HOPX: variants seen among roughly 807,000 people sequenced by gnomAD.
HOPX encodes HOP homeobox.
HOPX carries 5 observed loss-of-function variants against 11.8 expected under a neutral mutation model. That is an observed-to-expected ratio of 0.43 (90% CI 0.22 to 0.89). The LOEUF (loss-of-function observed/expected upper bound fraction) is 0.89. Ranked by LOEUF, HOPX falls within the 40% of genes least tolerant of loss-of-function variation. HOPX has a pLI of 0.28. For missense variants in HOPX, 119 were observed against 120.0 expected (o/e 0.99, Z 0.04); for synonymous variants, 49 against 49.7 (o/e 0.99, Z 0.06).
rs554784514 is a variant in HOPX, at chr4:56,678,138, C to T, written c.-84+3117G>A. Among the ~76,000 whole-genome samples the T allele has an allele frequency of 3.8e-4, 57 of 151,642 alleles. 4 individuals are homozygous for T. The highest frequency in any genetic ancestry group is 1.3e-3 in the African/African-American group (53 of 40,958). On this transcript the variant is annotated intron_variant, in intron 1 of 3. Transcript: ENST00000420433. ...TGGAAGGTGCTGGATACCCTATCCTCGCTGGAGCTGGGAGTGTCCAGAAGC... is the reference window on the plus strand; with the variant it reads ...TGGAAGGTGCTGGATACCCTATCCTTGCTGGAGCTGGGAGTGTCCAGAAGC...
chr4:56,649,477 G>A (rs1716942567), intron 3 of HOPX: 1 of 152,384 alleles, frequency 6.6e-6, no homozygotes, highest in South Asian at 2.1e-4. Flanking sequence ...ACTGAGCGCT[G>A]CACAACCTCA....
intron 1 of HOPX, among the ~76,000 whole-genome samples, chr4:56,661,085 T>G (rs913522891): frequency 6.6e-6 from 1 of 152,190 alleles, no homozygotes; most frequent in African/African-American, 2.4e-5. Context: ...CAGCTGGGAT[T>G]ACAGGTATGA....
At chr4:56,678,205 T>A (rs1204385736) in intron 1 of HOPX, among the ~76,000 whole-genome samples, 1 of 151,438 alleles carries the variant, frequency 6.6e-6, no homozygotes, top group Non-Finnish European at 1.5e-5. Context: ...CTGTGTTCCC[T>A]GAGCCTCCCA....
At chr4:56,654,695 T>C (rs1020600662) in intron 3 of HOPX, among the ~76,000 whole-genome samples, 14 of 152,328 alleles carry the variant, frequency 9.2e-5, no homozygotes, top group African/African-American at 2.6e-4. Flanking sequence ...CTGGCTTAAT[T>C]AGTAAAAATA....
rs1716837088 is a variant in HOPX at position 56,648,205 on chromosome 4, T to C, written c.*515A>G. The C allele has an allele frequency of 6.6e-6, 1 of 152,258 alleles. No individual in the cohort carries two copies. Among genetic ancestry groups the C allele is most frequent in the African/African-American group, 2.4e-5 (1 of 41,442 alleles). The allele number at this position is 152,258 out of a possible 1,614,324, so 9.4% of individuals were successfully genotyped here. A position where few individuals can be genotyped will look rare whatever the true frequency, so the allele number is the denominator to read the frequency against. ...GCTTCTTTCCAAGTTAATGCAGCTA[T>C]ATTCCAAGGAAGTGTTTTATGAAAT... On this transcript the variant is annotated 3_prime_UTR_variant, in exon 4 of 4. Coordinates refer to ENST00000420433, the MANE Select transcript of HOPX (RefSeq NM_032495.6).
intron 3 of HOPX, among the ~76,000 whole-genome samples, 183 bp downstream of exon 3, chr4:56,655,674 G>A (rs571998843): frequency 2.4e-4 from 36 of 152,330 alleles, no homozygotes; most frequent in Admixed American, 3.9e-4. Flanking sequence ...CATGGGAGCG[G>A]GGAAGCGGGG....
chr4:56,665,337 T>G (rs1718371508), intron 1 of HOPX: 2 of 152,234 alleles, frequency 1.3e-5, no homozygotes, highest in African/African-American at 4.8e-5. Flanking sequence ...ATGTGTCATT[T>G]CTCATACATT....
chr4:56,674,893 G>A (rs1388798460), intron 1 of HOPX, among the ~76,000 whole-genome samples: 1 of 142,764 alleles, frequency 7.0e-6, no homozygotes, highest in East Asian at 2.0e-4. Context: ...AACTACAAGT[G>A]TGTGCCACTA....
chr4:56,650,775 G>A, intron 3 of HOPX: 2 of 1,550,968 alleles, frequency 1.3e-6, no homozygotes, highest in Non-Finnish European at 1.7e-6. Context: ...GCTACTTTCT[G>A]GGTGCCATAT....
chr4:56,673,634 C>T (rs554863432), intron 1 of HOPX, among the ~76,000 whole-genome samples: 3 of 152,320 alleles, frequency 2.0e-5, no homozygotes, highest in East Asian at 3.9e-4. Flanking sequence ...CTTTTCAACA[C>T]CATCATTCAG....
chr4:56,681,330 G>T, upstream of HOPX: 6 of 985,360 alleles, frequency 6.1e-6, no homozygotes, highest in Non-Finnish European at 7.2e-6. Context: ...TTAAATAGCT[G>T]GGCTGGCTGA....
chr4:56,674,739 C>CTTTTTTTT (rs1051878651), intron 1 of HOPX, among the ~76,000 whole-genome samples: 1 of 150,120 alleles, frequency 6.7e-6, no homozygotes, highest in East Asian at 1.9e-4. Context: ...AACTTCTCTA[C>CTTTTTTTT]TTTTTATTTA....
chr4:56,655,718 C>T, intron 3 of HOPX, 139 bp downstream of exon 3: 1 of 1,033,998 alleles, frequency 9.7e-7, no homozygotes, highest in Non-Finnish European at 1.4e-6. Flanking sequence ...GGTCTGGGCC[C>T]CTGGGATGCG....
intron 1 of HOPX, among the ~76,000 whole-genome samples, chr4:56,674,938 G>A (rs1410996057): frequency 7.0e-6 from 1 of 142,388 alleles, no homozygotes; most frequent in African/African-American, 2.7e-5. Flanking sequence ...AAAAAAAAAT[G>A]TAGAGATGAG....
At chr4:56,650,413 T>C (rs1717049544) in intron 3 of HOPX, 1 of 367,606 alleles carries the variant, frequency 2.7e-6, no homozygotes, top group Admixed American at 4.3e-5. Context: ...ATACTCAGAA[T>C]GAACAGGATG....
intron 1 of HOPX, chr4:56,680,925 G>A (rs111850861): frequency 6.3e-4 from 293 of 465,288 alleles, no homozygotes; most frequent in African/African-American, 3.5e-3. Context: ...AAAATCATAG[G>A]CATCTGACAA....
At chr4:56,656,745 G>A (rs1717775161) in intron 2 of HOPX, among the ~76,000 whole-genome samples, 1 of 152,180 alleles carries the variant, frequency 6.6e-6, no homozygotes, top group Non-Finnish European at 1.5e-5. Flanking sequence ...GGGCTTGCAT[G>A]TGCCACTCTG....
chr4:56,669,703 A>G (rs893158428), intron 1 of HOPX, among the ~76,000 whole-genome samples: 1 of 144,664 alleles, frequency 6.9e-6, no homozygotes, highest in African/African-American at 2.5e-5. Flanking sequence ...TAATAATAAT[A>G]ACACCAGTAC....
Position 56,650,620 on chromosome 4 carries a change from C to G in HOPX, c.199-1823G>C, listed in dbSNP as rs1717069194. The G allele has an allele frequency of 3.3e-6, 5 of 1,526,456 alleles. No homozygotes were observed. The African/African-American group carries it at 5.5e-5, about 17-fold the overall frequency. 94.6% of individuals were successfully genotyped at this position (1,526,456 alleles called of 1,614,324 possible). ...AGCATGGGAACACACCTACACCTCA[C>G]CCACCTGTACAGCAGAGTTTACACA... On this transcript the variant is annotated intron_variant, in intron 3 of 3. Transcript: ENST00000420433.
Sources: allele counts gnomAD v4.1 joint callset (sites outside exome capture counted in the v4.1 genomes callset), GRCh38; gene constraint gnomAD v4.1.1; transcripts MANE v1.5; gene names NCBI Gene and HGNC (gene_info 2026-07-23, HGNC 2026-07-21).